Variants in ITIH2 observed in about 807,000 individuals in gnomAD.
The protein encoded by ITIH2 is inter-alpha-trypsin inhibitor heavy chain 2.
Under a neutral mutation model 104.4 loss-of-function variants are expected in ITIH2, and 103 were observed. The ratio of observed to expected loss-of-function variants is 0.99; its 90% CI spans 0.84 to 1.16. The LOEUF is 1.16. Ranked by LOEUF, ITIH2 falls within the 50% of genes most tolerant of loss-of-function variation. The probability of loss-of-function intolerance (pLI) is 0.00; values close to 1 mark genes in which losing one functional copy is unlikely to be tolerated. For missense variants in ITIH2, 1,108 were observed against 1,162.4 expected, an observed-to-expected ratio of 0.95 and a Z score of 0.68; for synonymous variants, 436 against 435.4, an observed-to-expected ratio of 1.00 and a Z score of -0.02.
At chr10:7,715,346 G>A (rs1185933096) in intron 5 of ITIH2, among the ~76,000 whole-genome samples, 1 of 152,112 alleles carries the variant, frequency 6.6e-6, no homozygotes, top group Non-Finnish European at 1.5e-5. Context: ...GCTTGAACCA[G>A]GGAGTTGGAG....
chr10:7,716,570 T>C (rs1465184030), intron 5 of ITIH2, among the ~76,000 whole-genome samples: 2 of 151,778 alleles, frequency 1.3e-5, no homozygotes, highest in East Asian at 3.9e-4. Context: ...ACCCTGACTC[T>C]ACTAAAAATA....
intron 15 of ITIH2, among the ~76,000 whole-genome samples, chr10:7,736,588 T>C (rs1379918887): frequency 6.6e-6 from 1 of 152,152 alleles, no homozygotes; most frequent in Non-Finnish European, 1.5e-5. Flanking sequence ...AAAATTCCCT[T>C]CTGAACCTGG....
rs181342276 is a variant in ITIH2 at position 7,718,415 on chromosome 10, G to C, written c.630+627G>C. 1.3e-3 allele frequency among the ~76,000 whole-genome samples: 193 copies of C among 152,284 alleles called. 1 individual carries two copies. Among genetic ancestry groups the C allele is most frequent in the Non-Finnish European group, 2.0e-3 (134 of 68,024 alleles). ...TCCAGAGGTTGGGCGCATCTTTAGG[G>C]GGGGAGGCCACCATTCAACCCAAGA... is the stretch of plus-strand genomic sequence containing the variant. On this transcript the variant is annotated intron_variant, in intron 6 of 20. Transcript: ENST00000358415.
Position 7,706,835 on chromosome 10 carries a change from T to C in ITIH2, c.160-366T>C, listed in dbSNP as rs1834751848. The stretch of plus-strand genomic sequence containing the variant: ...TGGGAACAGCATGCCCACAGCCTCA[T>C]GGCCGAATGGAGGATCAAAGTCTCC... On this transcript the variant is annotated intron_variant, in intron 2 of 20. Coordinates refer to ENST00000358415, the MANE Select transcript of ITIH2 (RefSeq NM_002216.3). Among the ~76,000 whole-genome samples, 3 of 152,110 alleles carry C rather than the reference T, an allele frequency of 2.0e-5. No homozygotes were observed. In the South Asian group the frequency reaches 6.2e-4, roughly 32 times the overall value.
rs182545932 is a variant in ITIH2 at position 7,710,286 on chromosome 10, T to C, written c.362+1095T>C. Among the ~76,000 whole-genome samples the C allele has an allele frequency of 2.8e-4, 43 of 152,382 alleles. No homozygotes were observed. The East Asian group carries it at 7.7e-3, about 27-fold the overall frequency. On this transcript the variant is annotated intron_variant, in intron 4 of 20. Coordinates refer to ENST00000358415, the MANE Select transcript of ITIH2 (RefSeq NM_002216.3). ...CATATTATTCCCTCTATTTTCTGTG[T>C]GTTTGAAATTTTTCGTAATAAAAGA...
chr10:7,713,339 C>G, intron 5 of ITIH2, 54 bp downstream of exon 5: 4 of 1,385,482 alleles, frequency 2.9e-6, no homozygotes, highest in South Asian at 2.4e-5. Context: ...GGTTTCCTCT[C>G]CTACTTCCTT....
intron 6 of ITIH2, among the ~76,000 whole-genome samples, chr10:7,718,646 T>C (rs1834873663): frequency 6.6e-6 from 1 of 152,170 alleles, no homozygotes; most frequent in African/African-American, 2.4e-5. Context: ...GCATAGTACC[T>C]GATAGGTAGT....
intron 10 of ITIH2, among the ~76,000 whole-genome samples, chr10:7,727,458 A>G (rs1328174195): frequency 6.6e-6 from 1 of 152,192 alleles, no homozygotes; most frequent in Admixed American, 6.5e-5. Context: ...ACAAGCTAAC[A>G]GTCTGTGCTT....
At chr10:7,748,558 T>A (rs1303202557) in intron 20 of ITIH2, among the ~76,000 whole-genome samples, 3 of 121,830 alleles carry the variant, frequency 2.5e-5, no homozygotes, top group South Asian at 2.7e-4. Context: ...TTTTTTTTTT[T>A]AGTGACAGAG....
Position 7,735,673 on chromosome 10 carries a change from T to C in ITIH2, c.1957+582T>C, listed in dbSNP as rs1033529950. Among the ~76,000 whole-genome samples the C allele has an allele frequency of 2.8e-5, 4 of 141,386 alleles. No individual in the cohort carries two copies. The Admixed American group carries it at 2.8e-4, about 10-fold the overall frequency. The allele number at this position is 141,386 out of a possible 152,430, so 92.8% of individuals were successfully genotyped here. Reference sequence around the variant, plus strand: ...CTTTTTCTTTTCTTTTCTTTTCTTTTCTTTTTTTTTTTTTTTTGAGACAGA... The same window carrying C: ...CTTTTTCTTTTCTTTTCTTTTCTTTCCTTTTTTTTTTTTTTTTGAGACAGA... On this transcript the variant is annotated intron_variant, in intron 15 of 20. Coordinates refer to ENST00000358415, the MANE Select transcript of ITIH2 (RefSeq NM_002216.3).
chr10:7,744,945 A>T lies in ITIH2; in HGVS notation c.2563A>T (p.Lys855Ter), dbSNP rs751758607. The T allele has an allele frequency of 6.2e-7, 1 of 1,614,038 alleles. No individual in the cohort carries two copies. The highest frequency in any genetic ancestry group is 1.3e-5 in the African/African-American group (1 of 75,052). ...YIPPTNKFSP[K>*]AHGLIGQFMQ... is the part of the protein sequence containing the mutation. ...ACCCCCTACAAACAAGTTCTCACCT[A>T]AAGCCCACGGACTAATAGGTAAAGT... The change falls in exon 19 of 21, where the codon AAA (lysine) becomes TAA (stop). Residue 855 changes from lysine to a stop codon, truncating the protein, a stop_gained. Coordinates refer to ENST00000358415, the MANE Select transcript of ITIH2 (RefSeq NM_002216.3). LOFTEE classifies it high-confidence loss of function.
intron 12 of ITIH2, among the ~76,000 whole-genome samples, chr10:7,730,852 C>T (rs1834995612): frequency 6.6e-6 from 1 of 152,084 alleles, no homozygotes; most frequent in African/African-American, 2.4e-5. Context: ...ACCCAGCTGA[C>T]TTTTGTAAAA....
chr10:7,735,007 C>T lies in ITIH2; in HGVS notation c.1873C>T (p.Leu625=). 6.2e-7 allele frequency: 1 copy of T among 1,613,798 alleles called. No individual in the cohort carries two copies. Among genetic ancestry groups the T allele is most frequent in the Non-Finnish European group, 8.5e-7 (1 of 1,180,010 alleles). ...TCTAGACCACCACATTGTGACTCCG[C>T]TGACCTCGCTGGTGATCGAGAACGA... The part of the protein sequence containing the change: ...MSLDHHIVTP[L]TSLVIENEAG... The change falls in exon 15 of 21, where the codon CTG becomes TTG. Residue 625 remains leucine (L), a synonymous_variant. Transcript: ENST00000358415.
intron 11 of ITIH2, among the ~76,000 whole-genome samples, chr10:7,729,426 G>T (rs1442779241): frequency 6.6e-6 from 1 of 152,054 alleles, no homozygotes; most frequent in Non-Finnish European, 1.5e-5. Context: ...AGTTTCTTGT[G>T]TATCTTTCCA....
intron 15 of ITIH2, 91 bp from the exon 16 acceptor site, chr10:7,738,530 T>C: frequency 7.8e-6 from 11 of 1,410,962 alleles, no homozygotes; most frequent in Non-Finnish European, 7.0e-6. Context: ...TGACAATACC[T>C]GGGGGTGCAT....
In ITIH2 at chr10:7,749,228, C is replaced by T. The variant is rs769289065; in HGVS notation, c.2735C>T (p.Thr912Met). ...KDYRTDLVFGTDVTCWFVHNS... is the reference protein window; with the variant it reads ...KDYRTDLVFGMDVTCWFVHNS... ...TACAGAACGGATCTAGTGTTTGGAA[C>T]GGACGTTACCTGCTGGTTTGTGCAC... is the stretch of plus-strand genomic sequence containing the variant. The change falls in exon 21 of 21, where the codon ACG becomes ATG. Residue 912 changes from threonine (T) to methionine (M), a missense_variant. Thr to Met is a moderately conservative substitution (Grantham distance 81, BLOSUM62 -1). Coordinates refer to ENST00000358415, the MANE Select transcript of ITIH2 (RefSeq NM_002216.3). The T allele has an allele frequency of 1.9e-5, 30 of 1,613,946 alleles. No individual in the cohort carries two copies. The highest frequency in any genetic ancestry group is 4.4e-5 in the South Asian group (4 of 91,074).
chr10:7,710,994 CATGTGCCATGGTGGTTTGCTGCACCT>C (rs144517435), intron 4 of ITIH2, among the ~76,000 whole-genome samples: 7,635 of 151,686 alleles, frequency 0.05, 257 homozygotes, highest in Admixed American at 0.077. Flanking sequence ...CATAGGTACA[CATGTGCCATGGTGGTTTGCTGCACCT>C]ATCATCCCAT....
At position 7,723,499 on chromosome 10, in the gene ITIH2, C is replaced by T. The variant is rs1197550474; in HGVS notation, c.916C>T (p.Pro306Ser). The T allele has an allele frequency of 1.2e-6, 2 of 1,613,946 alleles. No homozygotes were observed. Among genetic ancestry groups the T allele is most frequent in the East Asian group, 2.2e-5 (1 of 44,870 alleles). ...VHFFAPDNLD[P>S]IPKNILFVID... ...CTTCTTTGCTCCTGACAACCTGGAC[C>T]CAATTCCCAAAAACATCCTCTTTGT... is the stretch of plus-strand genomic sequence containing the variant. Residue 306 changes from proline (P) to serine (S), a missense_variant, in exon 9 of 21, where the codon CCA becomes TCA. By Grantham distance (74) the Pro-to-Ser change is moderately conservative. Coordinates refer to ENST00000358415, the MANE Select transcript of ITIH2 (RefSeq NM_002216.3).
At chr10:7,729,063 C>T (rs1834976477) in intron 11 of ITIH2, among the ~76,000 whole-genome samples, 3 of 152,168 alleles carry the variant, frequency 2.0e-5, no homozygotes, top group African/African-American at 4.8e-5. Flanking sequence ...CCTGTAATCC[C>T]AGCACTTTGG....
Sources: allele counts gnomAD v4.1 joint callset (sites outside exome capture counted in the v4.1 genomes callset), GRCh38; gene constraint gnomAD v4.1.1; transcripts MANE v1.5; gene names NCBI Gene and HGNC (gene_info 2026-07-23, HGNC 2026-07-21).